Variants in ASTN1 observed in about 807,000 individuals in gnomAD.
The protein encoded by ASTN1 is astrotactin 1.
In ASTN1, 41 loss-of-function variants were observed where a neutral mutation model predicts 140.7. The observed-to-expected ratio is 0.29, with a 90% CI of 0.23 to 0.38. ASTN1 has a LOEUF of 0.38. Ranked by LOEUF, ASTN1 falls within the 10% of genes least tolerant of loss-of-function variation. The pLI is 1.00. For synonymous variants in ASTN1, 640 were observed against 652.2 expected (o/e 0.98, Z 0.29); for missense variants, 1,479 against 1,678.8 (o/e 0.88, Z 2.08).
chr1:176,971,366 C>A (rs969035646), intron 8 of ASTN1, among the ~76,000 whole-genome samples: 2 of 152,126 alleles, frequency 1.3e-5, no homozygotes, highest in Non-Finnish European at 2.9e-5. Flanking sequence ...TTGGAATGAC[C>A]AATCCCTAGA....
intron 1 of ASTN1, among the ~76,000 whole-genome samples, chr1:177,132,099 T>G (rs1489218763): frequency 6.6e-6 from 1 of 152,320 alleles, no homozygotes; most frequent in African/African-American, 2.4e-5. Context: ...TTGGTAAGGT[T>G]ATTAGTGATT....
intron 20 of ASTN1, among the ~76,000 whole-genome samples, chr1:176,881,226 C>T (rs1382076370): frequency 6.6e-6 from 1 of 152,156 alleles, no homozygotes; most frequent in Admixed American, 6.5e-5. Context: ...GCATTGGCTC[C>T]AACTTCTCAA....
chr1:177,063,093 T>C (rs1033543888), intron 1 of ASTN1, among the ~76,000 whole-genome samples: 3 of 152,114 alleles, frequency 2.0e-5, no homozygotes, highest in African/African-American at 4.8e-5. Flanking sequence ...GTTCAGGCTT[T>C]GATAGGGGAA....
intron 15 of ASTN1, 85 bp from the exon 16 acceptor site, chr1:176,934,425 G>A (rs577353116): frequency 0.012 from 15,996 of 1,363,122 alleles, 114 homozygotes; most frequent in Non-Finnish European, 0.015. Flanking sequence ...CCCAAACATG[G>A]AAGTGCCTGT....
chr1:176,863,688 T>C lies in ASTN1; in HGVS notation c.*596A>G, dbSNP rs528725666. Reference sequence around the variant, plus strand: ...CTGGGGCCTATAATGAAAGCTGGTTTCACCTTTCGGGTATGGAAATAGTGA... The same window carrying C: ...CTGGGGCCTATAATGAAAGCTGGTTCCACCTTTCGGGTATGGAAATAGTGA... On this transcript the variant is annotated 3_prime_UTR_variant, in exon 23 of 23. Coordinates refer to ENST00000361833, the MANE Select transcript of ASTN1 (RefSeq NM_004319.3). 1.1e-3 allele frequency: 1,055 copies of C among 985,796 alleles called. 6 individuals carry two copies. The African/African-American group carries it at 0.016, about 15-fold the overall frequency. The allele number at this position is 985,796 out of a possible 1,614,324, so 61.1% of individuals were successfully genotyped here.
At chr1:176,891,046 T>A (rs931338906) in intron 17 of ASTN1, among the ~76,000 whole-genome samples, 41 of 144,270 alleles carry the variant, frequency 2.8e-4, no homozygotes, top group African/African-American at 9.1e-4. Context: ...AAATTAAAAT[T>A]AAAAAAAAAA....
At chr1:176,875,988 C>G (rs1668542630) in intron 21 of ASTN1, among the ~76,000 whole-genome samples, 1 of 152,142 alleles carries the variant, frequency 6.6e-6, no homozygotes, top group Non-Finnish European at 1.5e-5. Context: ...TCTTAATTAA[C>G]AGGGACTGAT....
intron 7 of ASTN1, among the ~76,000 whole-genome samples, chr1:177,022,566 T>C (rs902469919): frequency 2.6e-5 from 4 of 152,190 alleles, no homozygotes; most frequent in Non-Finnish European, 5.9e-5. Context: ...CACTAGAATT[T>C]GAACCCTCCC....
intron 1 of ASTN1, among the ~76,000 whole-genome samples, chr1:177,131,584 T>C (rs1681944452): frequency 6.6e-6 from 1 of 151,828 alleles, no homozygotes; most frequent in Non-Finnish European, 1.5e-5. Context: ...AATTTTTAAA[T>C]GAAAAACCAA....
At chr1:176,946,154 T>A in intron 12 of ASTN1, 34 bp from the exon 13 acceptor site, 2 of 1,498,860 alleles carry the variant, frequency 1.3e-6, no homozygotes, top group Non-Finnish European at 1.8e-6. Flanking sequence ...TAAGAAGTTA[T>A]TCCATCAATG....
intron 16 of ASTN1, among the ~76,000 whole-genome samples, chr1:176,897,569 GGA>G (rs1013258840): frequency 7.4e-5 from 11 of 148,654 alleles, no homozygotes; most frequent in African/African-American, 2.8e-4. Context: ...GTGAGCGGGA[GGA>G]AAAAAAAATG....
intron 9 of ASTN1, among the ~76,000 whole-genome samples, chr1:176,964,607 G>C (rs1205592240): frequency 7.2e-5 from 11 of 152,142 alleles, no homozygotes; most frequent in Non-Finnish European, 1.5e-5. Flanking sequence ...AGAAATTTGG[G>C]AGGGAGTAGA....
chr1:177,094,935 G>A (rs977139466), intron 1 of ASTN1, among the ~76,000 whole-genome samples: 8 of 152,238 alleles, frequency 5.3e-5, no homozygotes, highest in African/African-American at 1.9e-4. Flanking sequence ...GATGATAAAG[G>A]CCATTCTGAT....
intron 1 of ASTN1, among the ~76,000 whole-genome samples, chr1:177,090,721 C>T (rs1298287169): frequency 6.6e-6 from 1 of 152,152 alleles, no homozygotes; most frequent in Non-Finnish European, 1.5e-5. Flanking sequence ...GTCAAAGTAC[C>T]TCTTCTCTGA....
intron 8 of ASTN1, among the ~76,000 whole-genome samples, chr1:177,013,378 A>T (rs1675386934): frequency 6.6e-6 from 1 of 152,108 alleles, no homozygotes; most frequent in South Asian, 2.1e-4. Flanking sequence ...CCCTCTCCTA[A>T]CATCTATGGG....
rs547323548 is a variant in ASTN1, at chr1:176,902,588, G to A, written c.2672-7758C>T. 6.6e-5 allele frequency among the ~76,000 whole-genome samples: 10 copies of A among 152,248 alleles called. No individual in the cohort carries two copies. The South Asian group carries it at 2.1e-3, about 32-fold the overall frequency. Reference sequence around the variant, plus strand: ...TGCCAAAAGGTGTTAGTCAGCATTGGCATGGAACAGTGAATTTAATAACGA... The same window carrying A: ...TGCCAAAAGGTGTTAGTCAGCATTGACATGGAACAGTGAATTTAATAACGA... On this transcript the variant is annotated intron_variant, in intron 16 of 22. Coordinates refer to ENST00000361833, the MANE Select transcript of ASTN1 (RefSeq NM_004319.3).
At chr1:177,136,706 T>C (rs561533781) in intron 1 of ASTN1, among the ~76,000 whole-genome samples, 1 of 152,280 alleles carries the variant, frequency 6.6e-6, no homozygotes, top group African/African-American at 2.4e-5. Flanking sequence ...TCTTATAAGA[T>C]GGCACATGGC....
intron 7 of ASTN1, 43 bp from the exon 8 acceptor site, chr1:177,014,918 A>C (rs1275634277): frequency 3.3e-6 from 5 of 1,514,650 alleles, no homozygotes; most frequent in Non-Finnish European, 4.6e-6. Flanking sequence ...ACATGAAGGA[A>C]TTGATTAACA....
At chr1:177,087,656 T>C (rs1045747356) in intron 1 of ASTN1, among the ~76,000 whole-genome samples, 1 of 152,218 alleles carries the variant, frequency 6.6e-6, no homozygotes, top group Admixed American at 6.5e-5. Flanking sequence ...AGTCTGCTAG[T>C]CCGCAACCGT....
Sources: allele counts gnomAD v4.1 joint callset (sites outside exome capture counted in the v4.1 genomes callset), GRCh38; gene constraint gnomAD v4.1.1; transcripts MANE v1.5; gene names NCBI Gene and HGNC (gene_info 2026-07-23, HGNC 2026-07-21).